The following DOCK4 variants were observed in gnomAD, a reference collection of about 807,000 sequenced individuals.
The protein encoded by DOCK4 is dedicator of cytokinesis 4, also known as dedicator of cytokinesis protein 4.
DOCK4 carries 97 observed loss-of-function variants against 268.1 expected under a neutral mutation model. That is an observed-to-expected ratio of 0.36 (90% confidence interval 0.31 to 0.43). The LOEUF (loss-of-function observed/expected upper bound fraction) is 0.43. DOCK4 is among the 20% of genes least tolerant of loss of function. DOCK4 has a pLI of 1.00. For missense variants in DOCK4, 2,145 were observed against 2,455.7 expected (o/e 0.87, Z 2.67); for synonymous variants, 954 against 887.2 (o/e 1.08, Z -1.34).
At chr7:111,905,430 T>C (rs943625361) in intron 13 of DOCK4, among the ~76,000 whole-genome samples, 5 of 152,184 alleles carry the variant, frequency 3.3e-5, no homozygotes, top group Non-Finnish European at 7.3e-5. Context: ...CCTTTCAAAA[T>C]ACTACTGTAG....
chr7:111,907,406 C>A (rs1005873135), intron 13 of DOCK4, among the ~76,000 whole-genome samples: 1 of 152,120 alleles, frequency 6.6e-6, no homozygotes, highest in African/African-American at 2.4e-5. Context: ...CTGTTGCCAT[C>A]CCACTCTGAG....
At chr7:111,798,773 C>T (rs114323271) in intron 30 of DOCK4, among the ~76,000 whole-genome samples, 2,667 of 152,320 alleles carry the variant, frequency 0.018, 83 homozygotes, top group African/African-American at 0.06. Flanking sequence ...CTTACAAGAG[C>T]ACTTGAATTA....
intron 1 of DOCK4, among the ~76,000 whole-genome samples, chr7:112,180,728 C>A (rs1818951816): frequency 6.6e-6 from 1 of 152,180 alleles, no homozygotes; most frequent in South Asian, 2.1e-4. Flanking sequence ...CCCCACAGTG[C>A]CAACAGCACT....
At chr7:111,894,726 C>T (rs1323797382) in intron 16 of DOCK4, among the ~76,000 whole-genome samples, 3 of 152,112 alleles carry the variant, frequency 2.0e-5, no homozygotes, top group Admixed American at 6.5e-5. Context: ...ATCAAGAGGC[C>T]GGAAGTGGTG....
At chr7:111,885,758 A>G (rs1477637739) in intron 16 of DOCK4, among the ~76,000 whole-genome samples, 1 of 152,202 alleles carries the variant, frequency 6.6e-6, no homozygotes. Flanking sequence ...GATGAGAACC[A>G]TCCTTGCTTT....
chr7:111,936,691 T>C (rs926088885), intron 11 of DOCK4, among the ~76,000 whole-genome samples: 35 of 152,296 alleles, frequency 2.3e-4, no homozygotes, highest in African/African-American at 8.2e-4. Flanking sequence ...CATGAATGCA[T>C]CCTCCCAAGA....
intron 26 of DOCK4, among the ~76,000 whole-genome samples, chr7:111,826,012 T>C (rs1161877506): frequency 2.6e-5 from 4 of 152,238 alleles, no homozygotes; most frequent in Non-Finnish European, 5.9e-5. Context: ...CTTTTATTTA[T>C]TCATGCAGCA....
chr7:111,880,683 G>A (rs1382254686), intron 16 of DOCK4, among the ~76,000 whole-genome samples: 3 of 152,158 alleles, frequency 2.0e-5, no homozygotes. Context: ...CTACTACAGA[G>A]CTATAGTAAC....
chr7:112,146,704 G>A (rs1034120567), intron 1 of DOCK4, among the ~76,000 whole-genome samples: 2 of 152,174 alleles, frequency 1.3e-5, no homozygotes, highest in African/African-American at 4.8e-5. Context: ...CTGCACTTTT[G>A]CCTGGGCAAC....
chr7:112,062,309 G>A (rs1448785488), intron 1 of DOCK4, among the ~76,000 whole-genome samples: 2 of 152,164 alleles, frequency 1.3e-5, no homozygotes, highest in African/African-American at 2.4e-5. Context: ...GTAAAGCAAA[G>A]TAGGTTTAAA....
At chr7:111,898,093 C>A (rs1265958689) in intron 15 of DOCK4, among the ~76,000 whole-genome samples, 1 of 152,142 alleles carries the variant, frequency 6.6e-6, no homozygotes, top group African/African-American at 2.4e-5. Flanking sequence ...ATACAGTAGC[C>A]AGACGTATCT....
chr7:111,927,914 T>G (rs1462086309), intron 12 of DOCK4, among the ~76,000 whole-genome samples: 3 of 152,184 alleles, frequency 2.0e-5, no homozygotes, highest in South Asian at 2.1e-4. Flanking sequence ...AAGTACATCC[T>G]TATCTCTGAA....
chr7:111,797,535 G>A (rs1172170081), intron 30 of DOCK4, among the ~76,000 whole-genome samples: 1 of 152,076 alleles, frequency 6.6e-6, no homozygotes, highest in Non-Finnish European at 1.5e-5. Flanking sequence ...TCAGAGGTGA[G>A]CAATATATTT....
intron 17 of DOCK4, among the ~76,000 whole-genome samples, chr7:111,874,120 T>C (rs1309115068): frequency 6.6e-6 from 1 of 152,142 alleles, no homozygotes; most frequent in East Asian, 1.9e-4. Flanking sequence ...ACTTCCTGCA[T>C]CTCACTTCAG....
At chr7:112,179,620 C>A (rs1311102057) in intron 1 of DOCK4, among the ~76,000 whole-genome samples, 1 of 151,844 alleles carries the variant, frequency 6.6e-6, no homozygotes, top group Non-Finnish European at 1.5e-5. Context: ...GAGAACACAG[C>A]TGCTTCAAAA....
At chr7:111,741,705 G>C in intron 45 of DOCK4, 44 bp from the exon 46 acceptor site, 3 of 1,597,288 alleles carry the variant, frequency 1.9e-6, no homozygotes, top group Non-Finnish European at 2.6e-6. Flanking sequence ...GTAATGATTT[G>C]GGCAAAATAA....
At chr7:111,861,761 T>A (rs199721305) in intron 23 of DOCK4, among the ~76,000 whole-genome samples, 1,472 of 56,802 alleles carry the variant, frequency 0.026, 14 homozygotes, top group African/African-American at 0.065. Context: ...AAAAAAAAAA[T>A]AATAATAATA....
chr7:112,187,181 T>C (rs1819551467), intron 1 of DOCK4, among the ~76,000 whole-genome samples: 1 of 152,072 alleles, frequency 6.6e-6, no homozygotes, highest in Non-Finnish European at 1.5e-5. Context: ...GCAAAATAAC[T>C]CACGTGTTAC....
intron 36 of DOCK4, among the ~76,000 whole-genome samples, chr7:111,775,874 C>T (rs1291990523): frequency 2.0e-5 from 3 of 152,018 alleles, no homozygotes; most frequent in African/African-American, 7.2e-5. Context: ...AGGATCAAGC[C>T]TTGGCTATAT....
Sources: gnomAD v4.1 joint callset for allele counts (sites outside exome capture counted in the v4.1 genomes callset) on GRCh38, gnomAD v4.1.1 for gene constraint, MANE v1.5 for transcripts, NCBI Gene and HGNC (gene_info 2026-07-23, HGNC 2026-07-21) for gene names.